NAE1: variants seen among roughly 807,000 people sequenced by gnomAD.
NAE1 encodes NEDD8 activating enzyme E1 subunit 1, also known as NEDD8-activating enzyme E1 regulatory subunit.
A neutral mutation model predicts 88.0 loss-of-function variants in NAE1; 59 were observed. The observed-to-expected ratio is 0.67, with a 90% CI of 0.54 to 0.83. The LOEUF (loss-of-function observed/expected upper bound fraction) is 0.83, where lower values mean the gene tolerates loss of function less well. Among genes scored for constraint, NAE1 ranks in the 40% least tolerant of loss-of-function variants. NAE1 has a pLI of 0.00. For synonymous variants in NAE1, 186 were observed against 208.9 expected (o/e 0.89, Z 0.95); for missense variants, 554 against 632.8 (o/e 0.88, Z 1.34).
chr16:66,830,965 C>G lies in NAE1; in HGVS notation c.-66G>C. ...AGCGCCGCCACCAGCTCCACAAGCG[C>G]GCAGGCGCACTGAGCGCCCCTTCGC... On this transcript the variant is annotated 5_prime_UTR_variant, in exon 1 of 20. Coordinates refer to ENST00000290810, the MANE Select transcript of NAE1 (RefSeq NM_003905.4). The G allele has an allele frequency of 7.1e-7, 1 of 1,415,794 alleles. No homozygotes were observed. Among genetic ancestry groups the G allele is most frequent in the Non-Finnish European group, 9.3e-7 (1 of 1,076,876 alleles). The allele number at this position is 1,415,794 out of a possible 1,614,324, so 87.7% of individuals were successfully genotyped here.
In NAE1 at chr16:66,808,563, G is replaced by A. The variant is rs1382208635; in HGVS notation, c.1288C>T (p.Arg430Trp). Residue 430 changes from arginine (R) to tryptophan (W), a missense_variant, in exon 17 of 20, where the codon CGG becomes TGG. Coordinates refer to ENST00000290810, the MANE Select transcript of NAE1 (RefSeq NM_003905.4). Reference protein sequence around the residue: ...DNEIVLYLMLRAVDRFHKQQG... With the variant: ...DNEIVLYLMLWAVDRFHKQQG... ...TGTTTATGAAATCTATCAACAGCCC[G>A]TAACATTAAGTACAACACTATTTCA... is the stretch of plus-strand genomic sequence containing the variant. The A allele has an allele frequency of 1.0e-5, 16 of 1,606,046 alleles. No homozygotes were observed. The highest frequency in any genetic ancestry group is 1.4e-5 in the Non-Finnish European group (16 of 1,175,568).
chr16:66,816,494 C>T, intron 11 of NAE1, 87 bp downstream of exon 11: 1 of 983,956 alleles, frequency 1.0e-6, no homozygotes. Context: ...AAAATATTAA[C>T]TTAAATCATT....
Position 66,816,646 on chromosome 16 carries a change from G to T in NAE1, c.775C>A (p.Pro259Thr). 6.2e-7 allele frequency: 1 copy of T among 1,611,754 alleles called. No homozygotes were observed. The highest frequency in any genetic ancestry group is 8.5e-7 in the Non-Finnish European group (1 of 1,178,694). The change falls in exon 11 of 20, where the codon CCA becomes ACA. Residue 259 changes from proline to threonine, a missense_variant. Transcript: ENST00000290810. Reference protein sequence around the residue: ...QGILKNENGAPEDEENFEEAI... With the variant: ...QGILKNENGATEDEENFEEAI... Reference sequence around the variant, plus strand: ...TCTTCAAAATTCTCTTCATCTTCTGGAGCCCCATTTTCATTTTTTAGAATT... The same window carrying T: ...TCTTCAAAATTCTCTTCATCTTCTGTAGCCCCATTTTCATTTTTTAGAATT...
chr16:66,815,209 C>T (rs909576141), intron 11 of NAE1, among the ~76,000 whole-genome samples: 2 of 152,206 alleles, frequency 1.3e-5, no homozygotes, highest in Non-Finnish European at 2.9e-5. Context: ...AGAATCTTTT[C>T]TTTTCAACTG....
intron 17 of NAE1, among the ~76,000 whole-genome samples, chr16:66,806,829 T>TC (rs1313326826): frequency 6.6e-6 from 1 of 152,182 alleles, no homozygotes. Flanking sequence ...TATAGTTATC[T>TC]CCATTTATAG....
intron 13 of NAE1, among the ~76,000 whole-genome samples, chr16:66,812,825 C>CTTT (rs78456292): frequency 1.7e-5 from 2 of 119,852 alleles, no homozygotes; most frequent in South Asian, 5.2e-4. Context: ...GGCCTAAGTT[C>CTTT]TTTTTTTTTT....
At chr16:66,803,728 T>G in intron 19 of NAE1, among the ~76,000 whole-genome samples, 1 of 151,974 alleles carries the variant, frequency 6.6e-6, no homozygotes, top group African/African-American at 2.4e-5. Context: ...GTAGCTGGGA[T>G]TACAGATGCC....
intron 7 of NAE1, 39 bp from the exon 8 acceptor site, chr16:66,818,676 TAAA>T: frequency 3.3e-6 from 4 of 1,209,266 alleles, no homozygotes; most frequent in Non-Finnish European, 3.4e-6. Context: ...ATTTAACACT[TAAA>T]AAAAAAAAAG....
intron 11 of NAE1, among the ~76,000 whole-genome samples, chr16:66,815,456 C>A (rs1355091720): frequency 6.6e-6 from 1 of 152,016 alleles, no homozygotes; most frequent in East Asian, 1.9e-4. Context: ...CAGGCTCAAG[C>A]GATCCTCCCA....
intron 8 of NAE1, 79 bp downstream of exon 8, chr16:66,818,449 T>C: frequency 9.5e-7 from 1 of 1,052,724 alleles, no homozygotes; most frequent in Non-Finnish European, 1.4e-6. Context: ...ATTTTCTCAC[T>C]TTAGTGTAAT....
chr16:66,805,111 T>G (rs920403711), intron 19 of NAE1, among the ~76,000 whole-genome samples: 4 of 152,144 alleles, frequency 2.6e-5, no homozygotes, highest in Non-Finnish European at 5.9e-5. Flanking sequence ...AAACATATTT[T>G]TAAGGCAAAT....
intron 1 of NAE1, 88 bp from the exon 2 acceptor site, chr16:66,826,868 G>T: frequency 8.4e-7 from 1 of 1,195,288 alleles, no homozygotes; most frequent in Non-Finnish European, 1.2e-6. Flanking sequence ...AACTTTCCTT[G>T]CATAGACTGA....
chr16:66,814,592 C>CAAA (rs34053542), intron 11 of NAE1, among the ~76,000 whole-genome samples: 1,651 of 113,154 alleles, frequency 0.015, 39 homozygotes, highest in East Asian at 0.093. Context: ...GACCCTGTCT[C>CAAA]AAAAAAAAAA....
chr16:66,826,711 T>C lies in NAE1; in HGVS notation c.123A>G (p.Thr41=). The stretch of plus-strand genomic sequence containing the variant: ...CCAAGTTTTTAAGAATTTCAGTTCC[T>C]GTGGCTGTTGCATTTATTAGGCAAA... ...AHVCLINATA[T]GTEILKNLVL... Residue 41 remains threonine (T), a synonymous_variant, in exon 2 of 20, where the codon ACA becomes ACG. Transcript: ENST00000290810. 1.2e-6 allele frequency: 2 copies of C among 1,614,204 alleles called. No individual in the cohort carries two copies. The highest frequency in any genetic ancestry group is 1.7e-6 in the Non-Finnish European group (2 of 1,180,030).
chr16:66,813,351 C>T (rs1475053556), intron 13 of NAE1: 10 of 520,924 alleles, frequency 1.9e-5, no homozygotes, highest in East Asian at 1.0e-4. Context: ...ATGTTGCCCA[C>T]GATGGTCTCA....
At position 66,826,562 on chromosome 16, in the gene NAE1, A is replaced by G. The variant is rs755273488; in HGVS notation, c.179T>C (p.Ile60Thr). 1.1e-5 allele frequency: 17 copies of G among 1,614,182 alleles called. No homozygotes were observed. In the Admixed American group the frequency reaches 1.7e-4, roughly 16 times the overall value. Residue 60 changes from isoleucine to threonine, a missense_variant, in exon 3 of 20, where the codon ATT becomes ACT. By Grantham distance (89) the Ile-to-Thr change is moderately conservative (BLOSUM62 -1). Transcript: ENST00000290810. ...VLPGIGSFTI[I>T]DGNQVSGEDA... ...TTCTCCGCTGACCTGATTTCCATCA[A>G]TAATTGTAAACGAACCAATACCTGA...
rs1485587491 is a variant in NAE1 at position 66,804,252 on chromosome 16, AAAAC to A, written c.1496-1138_1496-1135del. ...CACAGAAGTAAAAAACAAAAAAAAA[AAAAC>A]AAAGAAAACCTTCAATTTATACTTT... On this transcript the variant is annotated intron_variant, in intron 19 of 19. Coordinates refer to ENST00000290810, the MANE Select transcript of NAE1 (RefSeq NM_003905.4). 4.6e-5 allele frequency among the ~76,000 whole-genome samples: 7 copies of A among 151,934 alleles called. No homozygotes were observed. In the East Asian group the frequency reaches 1.4e-3, roughly 29 times the overall value.
chr16:66,826,664 A>T lies in NAE1; in HGVS notation c.157+13T>A, dbSNP rs770167067. On this transcript the variant is annotated intron_variant, in intron 2 of 19. Transcript: ENST00000290810. Reference sequence around the variant, plus strand: ...AGAAGTATATTTAGAACACAACCACAAACCTACGTTACCTGGTAGTACCAA... The same window carrying T: ...AGAAGTATATTTAGAACACAACCACTAACCTACGTTACCTGGTAGTACCAA... The T allele has an allele frequency of 1.1e-5, 18 of 1,613,832 alleles. No individual in the cohort carries two copies. In the South Asian group the frequency reaches 1.9e-4, roughly 17 times the overall value.
Position 66,803,711 on chromosome 16 carries a change from C to T in NAE1, c.1496-593G>A, listed in dbSNP as rs560001886. On this transcript the variant is annotated intron_variant, in intron 19 of 19. Coordinates refer to ENST00000290810, the MANE Select transcript of NAE1 (RefSeq NM_003905.4). ...GTTCAAGTGATTCTCTTGCCTCAGC[C>T]TCCCAAGTAGCTGGGATTACAGATG... 2.6e-5 allele frequency among the ~76,000 whole-genome samples: 4 copies of T among 152,148 alleles called. No homozygotes were observed. The South Asian group carries it at 8.3e-4, about 32-fold the overall frequency.
Sources: gnomAD v4.1 joint callset for allele counts (sites outside exome capture counted in the v4.1 genomes callset) on GRCh38, gnomAD v4.1.1 for gene constraint, MANE v1.5 for transcripts, NCBI Gene and HGNC (gene_info 2026-07-23, HGNC 2026-07-21) for gene names.